PTPRD: variants seen among roughly 807,000 people sequenced by gnomAD.
PTPRD encodes the protein receptor-type tyrosine-protein phosphatase delta.
Under a neutral mutation model 214.5 loss-of-function variants are expected in PTPRD, and 34 were observed. The ratio of observed to expected loss-of-function variants is 0.16; its 90% CI spans 0.12 to 0.21. The LOEUF is 0.21. Among genes scored for constraint, PTPRD ranks in the 10% least tolerant of loss-of-function variants. The probability of loss-of-function intolerance (pLI) is 1.00; values close to 1 mark genes in which losing one functional copy is unlikely to be tolerated. For missense variants in PTPRD, 2,545 were observed against 2,398.7 expected (o/e 1.06, Z -1.27); for synonymous variants, 1,128 against 845.7 (o/e 1.33, Z -5.79).
At chr9:9,957,327 A>T (rs560197848) in intron 4 of PTPRD, among the ~76,000 whole-genome samples, 3 of 152,300 alleles carry the variant, frequency 2.0e-5, no homozygotes, top group East Asian at 3.9e-4. Context: ...ACCTAAAATT[A>T]CAAAAGACAT....
chr9:10,012,333 A>G (rs2096618414), intron 4 of PTPRD, among the ~76,000 whole-genome samples: 1 of 151,876 alleles, frequency 6.6e-6, no homozygotes, highest in Non-Finnish European at 1.5e-5. Context: ...GAAGAAAAAA[A>G]ATTAGCTAAA....
chr9:9,993,575 T>C (rs2096022052), intron 4 of PTPRD, among the ~76,000 whole-genome samples: 2 of 152,328 alleles, frequency 1.3e-5, no homozygotes, highest in African/African-American at 2.4e-5. Context: ...TGATTCATTT[T>C]ATATATAATT....
intron 3 of PTPRD, among the ~76,000 whole-genome samples, chr9:10,077,103 A>T (rs2098143433): frequency 6.6e-6 from 1 of 152,144 alleles, no homozygotes; most frequent in Non-Finnish European, 1.5e-5. Flanking sequence ...CTTCACGTTC[A>T]TTTTATTTAT....
intron 11 of PTPRD, among the ~76,000 whole-genome samples, chr9:8,967,117 T>C (rs747698376): frequency 9.3e-5 from 14 of 150,882 alleles, no homozygotes; most frequent in Non-Finnish European, 1.8e-4. Context: ...CTAGTCAGAA[T>C]GACAATTATT....
intron 2 of PTPRD, among the ~76,000 whole-genome samples, chr9:10,506,575 A>G (rs904844709): frequency 6.6e-6 from 1 of 152,128 alleles, no homozygotes; most frequent in African/African-American, 2.4e-5. Context: ...CCTATATCTC[A>G]TGTACCATAT....
rs141159646 is a variant in PTPRD, at chr9:8,437,431, G to A, written c.3989-742C>T. On this transcript the variant is annotated intron_variant, in intron 34 of 45. Coordinates refer to ENST00000381196, the MANE Select transcript of PTPRD (RefSeq NM_002839.4). ...ATCGCTAATATTTCACAAACCTGTA[G>A]GTGACTGACATTCACATGCAAACAC... Among the ~76,000 whole-genome samples the A allele has an allele frequency of 3.3e-5, 5 of 152,232 alleles. No homozygotes were observed. The East Asian group carries it at 9.6e-4, about 29-fold the overall frequency.
intron 2 of PTPRD, among the ~76,000 whole-genome samples, chr9:10,509,020 G>T (rs1222864218): frequency 6.6e-6 from 1 of 151,864 alleles, no homozygotes; most frequent in African/African-American, 2.4e-5. Flanking sequence ...TACTAACTTT[G>T]AACCCATGGC....
At chr9:9,732,621 TG>T (rs1361875758) in intron 7 of PTPRD, among the ~76,000 whole-genome samples, 1 of 152,166 alleles carries the variant, frequency 6.6e-6, no homozygotes, top group East Asian at 1.9e-4. Context: ...GGATTTGTTA[TG>T]ATGGAAATGG....
intron 2 of PTPRD, among the ~76,000 whole-genome samples, chr9:10,557,873 T>C (rs183124655): frequency 2.6e-5 from 4 of 152,282 alleles, no homozygotes; most frequent in Admixed American, 1.3e-4. Flanking sequence ...AGCATGTAAA[T>C]GTTTTATAGC....
chr9:9,930,416 C>T (rs1460633616), intron 5 of PTPRD, among the ~76,000 whole-genome samples: 1 of 152,140 alleles, frequency 6.6e-6, no homozygotes, highest in Non-Finnish European at 1.5e-5. Flanking sequence ...AACAATATTT[C>T]TACAGAGTTT....
At chr9:9,991,662 A>G (rs2095931383) in intron 4 of PTPRD, among the ~76,000 whole-genome samples, 1 of 152,152 alleles carries the variant, frequency 6.6e-6, no homozygotes, top group Non-Finnish European at 1.5e-5. Flanking sequence ...TGCCCGGCCC[A>G]GCCCAAAATA....
At chr9:9,503,202 C>G (rs1463157694) in intron 8 of PTPRD, among the ~76,000 whole-genome samples, 2 of 151,392 alleles carry the variant, frequency 1.3e-5, no homozygotes, top group East Asian at 3.9e-4. Context: ...GAGAGTTATT[C>G]TTATTTTAGT....
rs35507897 is a variant in PTPRD, at chr9:9,007,730, C to CTT, written c.-104+10965_-104+10966dup. Among the ~76,000 whole-genome samples the CTT allele has an allele frequency of 1.3e-3, 170 of 135,980 alleles. 3 individuals carry two copies. Among genetic ancestry groups the CTT allele is most frequent in the African/African-American group, 3.1e-3 (113 of 36,544 alleles). The allele number at this position is 135,980 out of a possible 152,430, so 89.2% of individuals were successfully genotyped here. A position where few individuals can be genotyped will look rare whatever the true frequency, so the allele number is the denominator to read the frequency against. ...TGTTTGACCTCCTGTTACTTGGATCCTTTTTTTTTTTTTCATTGTGGTTTA... is the reference window on the plus strand; with the variant it reads ...TGTTTGACCTCCTGTTACTTGGATCCTTTTTTTTTTTTTTTCATTGTGGTTTA... On this transcript the variant is annotated intron_variant, in intron 11 of 45. Transcript: ENST00000381196.
chr9:10,018,640 C>T (rs1405783789), intron 4 of PTPRD, among the ~76,000 whole-genome samples: 9 of 142,922 alleles, frequency 6.3e-5, no homozygotes, highest in East Asian at 6.1e-4. Context: ...CTCCGCCTCC[C>T]GGGTTCATGC....
intron 5 of PTPRD, among the ~76,000 whole-genome samples, chr9:9,808,037 A>G (rs373724683): frequency 4.6e-5 from 7 of 152,176 alleles, no homozygotes; most frequent in Non-Finnish European, 1.0e-4. Context: ...ATGAGAAAGG[A>G]GTGAAACCAA....
At chr9:10,262,569 T>G (rs986639540) in intron 3 of PTPRD, among the ~76,000 whole-genome samples, 1 of 152,188 alleles carries the variant, frequency 6.6e-6, no homozygotes, top group Non-Finnish European at 1.5e-5. Flanking sequence ...GATGATAAGC[T>G]CAAGTGTATT....
intron 14 of PTPRD, among the ~76,000 whole-genome samples, chr9:8,588,226 T>C (rs2093822530): frequency 6.6e-6 from 1 of 152,250 alleles, no homozygotes; most frequent in Admixed American, 6.5e-5. Flanking sequence ...AAGAGCTTCA[T>C]TAACTTAATT....
chr9:9,714,640 A>G (rs1346614805), intron 7 of PTPRD, among the ~76,000 whole-genome samples: 1 of 152,194 alleles, frequency 6.6e-6, no homozygotes, highest in Non-Finnish European at 1.5e-5. Flanking sequence ...ACAAATAAAT[A>G]AAAAACATTC....
At chr9:9,329,200 A>G (rs1055545698) in intron 9 of PTPRD, among the ~76,000 whole-genome samples, 1 of 152,148 alleles carries the variant, frequency 6.6e-6, no homozygotes, top group African/African-American at 2.4e-5. Context: ...ACAGGATAAT[A>G]TGGCTGGCTA....
Sources: gnomAD v4.1 joint callset for allele counts (sites outside exome capture counted in the v4.1 genomes callset) on GRCh38, gnomAD v4.1.1 for gene constraint, MANE v1.5 for transcripts, NCBI Gene and HGNC (gene_info 2026-07-23, HGNC 2026-07-21) for gene names.